Variants in DLG2 observed in about 807,000 individuals in gnomAD.
DLG2 encodes discs large MAGUK scaffold protein 2.
A neutral mutation model predicts 132.5 loss-of-function variants in DLG2; 45 were observed. That is an observed-to-expected ratio of 0.34 (90% CI 0.27 to 0.44). The LOEUF (loss-of-function observed/expected upper bound fraction) is 0.44. DLG2 is among the 20% of genes least tolerant of loss of function. DLG2 has a pLI of 1.00. For missense variants in DLG2, 1,045 were observed against 1,196.9 expected, an observed-to-expected ratio of 0.87 and a Z score of 1.87; for synonymous variants, 424 against 419.6, an observed-to-expected ratio of 1.01 and a Z score of -0.13.
At chr11:84,805,372 A>G (rs186312211) in intron 6 of DLG2, among the ~76,000 whole-genome samples, 2 of 152,232 alleles carry the variant, frequency 1.3e-5, no homozygotes, top group Admixed American at 6.5e-5. Context: ...AAGAACCAAA[A>G]AGACCTAAAG....
intron 3 of DLG2, among the ~76,000 whole-genome samples, chr11:85,505,341 G>C (rs2093904543): frequency 6.6e-6 from 1 of 152,136 alleles, no homozygotes; most frequent in Non-Finnish European, 1.5e-5. Context: ...CATTTAGTAT[G>C]ATATTGGCTG....
chr11:85,005,541 T>C (rs1312567003), intron 6 of DLG2, among the ~76,000 whole-genome samples: 1 of 152,206 alleles, frequency 6.6e-6, no homozygotes, highest in Non-Finnish European at 1.5e-5. Context: ...CTATTATTGG[T>C]GTATAGGAAT....
chr11:84,902,771 T>C (rs1229032469), intron 6 of DLG2, among the ~76,000 whole-genome samples: 1 of 152,174 alleles, frequency 6.6e-6, no homozygotes, highest in African/African-American at 2.4e-5. Context: ...AAACTGTTAT[T>C]TTCTTCTCCA....
At chr11:84,513,197 A>G (rs563767234) in intron 7 of DLG2, among the ~76,000 whole-genome samples, 9 of 152,102 alleles carry the variant, frequency 5.9e-5, no homozygotes, top group African/African-American at 9.7e-5. Context: ...GACACAAAAA[A>G]TGAAAAATAT....
intron 7 of DLG2, among the ~76,000 whole-genome samples, chr11:84,404,230 T>C (rs7127845): frequency 0.45 from 69,062 of 151,928 alleles, 20,250 homozygotes; most frequent in African/African-American, 0.84. Context: ...TCTTCTCATG[T>C]ATTCATCTTT....
chr11:83,537,244 C>G (rs1005132762), intron 20 of DLG2, among the ~76,000 whole-genome samples: 3 of 152,192 alleles, frequency 2.0e-5, no homozygotes, highest in Non-Finnish European at 4.4e-5. Flanking sequence ...TCCTCTCCCT[C>G]TCTCCCATCT....
At position 84,435,780 on chromosome 11, in the gene DLG2, G is replaced by A. The variant is rs547795191; in HGVS notation, c.519+98790C>T. Among the ~76,000 whole-genome samples the A allele has an allele frequency of 1.9e-3, 294 of 152,124 alleles. 4 individuals are homozygous for A. Among genetic ancestry groups the A allele is most frequent in the African/African-American group, 6.4e-3 (265 of 41,526 alleles). Reference sequence around the variant, plus strand: ...CTTTGTTGTATCAATGTCTTTTTAGGTTCTATACACTGAATTTTATAGAGC... The same window carrying A: ...CTTTGTTGTATCAATGTCTTTTTAGATTCTATACACTGAATTTTATAGAGC... On this transcript the variant is annotated intron_variant, in intron 7 of 27. Transcript: ENST00000376104.
rs990025540 is a variant in DLG2, at chr11:84,362,503, T to C, written c.520-111212A>G. Among the ~76,000 whole-genome samples, 19 of 149,260 alleles carry C rather than the reference T, an allele frequency of 1.3e-4. 1 individual carries two copies. In the East Asian group the frequency reaches 3.7e-3, roughly 29 times the overall value. On this transcript the variant is annotated intron_variant, in intron 7 of 27. Coordinates refer to ENST00000376104, the MANE Select transcript of DLG2 (RefSeq NM_001142699.3). ...AATTCAAATAATCCTCTTTTTTTTTTAATAATTTTTTTTTTATTATTATAC... is the reference window on the plus strand; with the variant it reads ...AATTCAAATAATCCTCTTTTTTTTTCAATAATTTTTTTTTTATTATTATAC...
chr11:84,893,541 T>A (rs1307258376), intron 6 of DLG2, among the ~76,000 whole-genome samples: 3 of 152,138 alleles, frequency 2.0e-5, no homozygotes, highest in African/African-American at 7.2e-5. Context: ...GCTACCTCCT[T>A]ATGGCTAGGA....
At chr11:83,995,389 T>G (rs2093969630) in intron 11 of DLG2, among the ~76,000 whole-genome samples, 1 of 152,182 alleles carries the variant, frequency 6.6e-6, no homozygotes. Flanking sequence ...TTAAAAAGTT[T>G]AGACCTTATA....
At chr11:84,200,653 G>C (rs2096579958) in intron 8 of DLG2, among the ~76,000 whole-genome samples, 2 of 152,236 alleles carry the variant, frequency 1.3e-5, no homozygotes, top group South Asian at 4.1e-4. Context: ...TCCTTGAAGA[G>C]GTCCTTCACT....
At chr11:83,684,289 A>G (rs774894661) in intron 18 of DLG2, among the ~76,000 whole-genome samples, 1 of 152,110 alleles carries the variant, frequency 6.6e-6, no homozygotes, top group Non-Finnish European at 1.5e-5. Context: ...GCATTCCTTG[A>G]GAGCCATCAG....
chr11:84,260,984 C>T (rs943020891), intron 7 of DLG2, among the ~76,000 whole-genome samples: 6 of 152,190 alleles, frequency 3.9e-5, no homozygotes, highest in Non-Finnish European at 8.8e-5. Context: ...ACTTAATTCA[C>T]TGATTCACTC....
intron 6 of DLG2, among the ~76,000 whole-genome samples, chr11:84,607,383 A>G (rs1307756884): frequency 2.6e-5 from 4 of 152,072 alleles, no homozygotes; most frequent in Admixed American, 2.6e-4. Flanking sequence ...AAAACCTTCC[A>G]CTTCTTGATG....
At chr11:84,124,810 T>C (rs368301540) in intron 9 of DLG2, among the ~76,000 whole-genome samples, 1 of 150,754 alleles carries the variant, frequency 6.6e-6, no homozygotes, top group Non-Finnish European at 1.5e-5. Context: ...GTAAATGTGA[T>C]AAGAAATCAT....
chr11:85,122,801 G>C (rs1336103752), intron 5 of DLG2, among the ~76,000 whole-genome samples: 1 of 150,486 alleles, frequency 6.6e-6, no homozygotes, highest in African/African-American at 2.4e-5. Flanking sequence ...GAGAGTTGCA[G>C]AGTTGTGATA....
In DLG2 at chr11:85,074,504, G is replaced by A. The variant is rs141819223; in HGVS notation, c.357+37157C>T. On this transcript the variant is annotated intron_variant, in intron 6 of 27. Coordinates refer to ENST00000376104, the MANE Select transcript of DLG2 (RefSeq NM_001142699.3). ...ACTTTTCCTTTTATTCTGTAGATTC[G>A]CAATAGCTGGGAACATACCTTCTAA... Among the ~76,000 whole-genome samples the A allele has an allele frequency of 4.4e-3, 669 of 151,854 alleles. 5 individuals carry two copies. Among genetic ancestry groups the A allele is most frequent in the African/African-American group, 0.015 (605 of 41,480 alleles).
intron 6 of DLG2, among the ~76,000 whole-genome samples, chr11:84,960,895 C>T (rs2052460206): frequency 6.6e-6 from 1 of 151,932 alleles, no homozygotes; most frequent in South Asian, 2.1e-4. Context: ...TTTGCACAGC[C>T]CCTGATGCAT....
At chr11:84,379,045 C>A (rs2098740306) in intron 7 of DLG2, among the ~76,000 whole-genome samples, 1 of 150,146 alleles carries the variant, frequency 6.7e-6, no homozygotes, top group Non-Finnish European at 1.5e-5. Flanking sequence ...GAAACAAATA[C>A]ACATTATTTC....
Sources: gnomAD v4.1 joint callset for allele counts (sites outside exome capture counted in the v4.1 genomes callset) on GRCh38, gnomAD v4.1.1 for gene constraint, MANE v1.5 for transcripts, NCBI Gene and HGNC (gene_info 2026-07-23, HGNC 2026-07-21) for gene names.